UNC5C: variants seen among roughly 807,000 people sequenced by gnomAD.
The protein encoded by UNC5C is netrin receptor UNC5C.
A neutral mutation model predicts 99.8 loss-of-function variants in UNC5C; 47 were observed. The observed-to-expected ratio is 0.47, with a 90% CI of 0.37 to 0.60. The LOEUF (loss-of-function observed/expected upper bound fraction) is 0.60, where lower values mean the gene tolerates loss of function less well. Ranked by LOEUF, UNC5C falls within the 20% of genes least tolerant of loss-of-function variation. The pLI is 0.00. For synonymous variants in UNC5C, 487 were observed against 452.2 expected (o/e 1.08, Z -0.98); for missense variants, 1,062 against 1,165.9 (o/e 0.91, Z 1.30).
intron 1 of UNC5C, among the ~76,000 whole-genome samples, chr4:95,489,918 TTTAGGAGTCA>T (rs1721433876): frequency 6.6e-6 from 1 of 151,632 alleles, no homozygotes; most frequent in Non-Finnish European, 1.5e-5. Context: ...GAACTGTGAA[TTTAGGAGTCA>T]TTAGCATATA....
chr4:95,461,381 A>G (rs1360156707), intron 1 of UNC5C, among the ~76,000 whole-genome samples: 1 of 143,022 alleles, frequency 7.0e-6, no homozygotes, highest in African/African-American at 2.7e-5. Context: ...CTCTGTTACT[A>G]AAATACTGTA....
At position 95,359,350 on chromosome 4, in the gene UNC5C, T is replaced by C. The variant is rs555114991; in HGVS notation, c.125-23719A>G. 1.0e-3 allele frequency among the ~76,000 whole-genome samples: 158 copies of C among 152,300 alleles called. 1 individual carries two copies. The highest frequency in any genetic ancestry group is 3.4e-3 in the Middle Eastern group (1 of 294). On this transcript the variant is annotated intron_variant, in intron 1 of 15. Transcript: ENST00000453304. The stretch of plus-strand genomic sequence containing the variant: ...TTTACAAATTTAAGAATCAGGCATG[T>C]AACTTCTTTTGTTGGCCAAAGGTGT...
chr4:95,379,630 G>A (rs746267505), intron 1 of UNC5C, among the ~76,000 whole-genome samples: 1 of 152,088 alleles, frequency 6.6e-6, no homozygotes, highest in Non-Finnish European at 1.5e-5. Context: ...CTTGCCTTCC[G>A]GTCAGAGAAA....
intron 1 of UNC5C, among the ~76,000 whole-genome samples, chr4:95,469,528 T>C (rs938690849): frequency 1.3e-5 from 2 of 152,102 alleles, no homozygotes; most frequent in Non-Finnish European, 2.9e-5. Context: ...AAGTACAAGG[T>C]TTTCATGCCT....
intron 1 of UNC5C, among the ~76,000 whole-genome samples, chr4:95,361,496 G>A (rs1744392838): frequency 6.6e-6 from 1 of 152,170 alleles, no homozygotes; most frequent in African/African-American, 2.4e-5. Flanking sequence ...GCTGCTCTGT[G>A]CAGATGTGGA....
At chr4:95,473,915 A>G (rs1020208478) in intron 1 of UNC5C, among the ~76,000 whole-genome samples, 1 of 152,116 alleles carries the variant, frequency 6.6e-6, no homozygotes, top group African/African-American at 2.4e-5. Flanking sequence ...TCAAGGTCCA[A>G]ATCCCTGAGA....
At chr4:95,332,084 G>T (rs975606996) in intron 2 of UNC5C, among the ~76,000 whole-genome samples, 3 of 152,024 alleles carry the variant, frequency 2.0e-5, no homozygotes, top group African/African-American at 4.8e-5. Flanking sequence ...TACAAACAAA[G>T]GGAACAACAT....
In UNC5C at chr4:95,216,060, A is replaced by G. The variant is rs187810529; in HGVS notation, c.1733+64T>C. The stretch of plus-strand genomic sequence containing the variant: ...AAAATATGTTGGGTTTATTGTGTCT[A>G]TTGTACAATTCTCCTCCAAGTTAGA... On this transcript the variant is annotated intron_variant, in intron 10 of 15. Transcript: ENST00000453304. 552 of 1,385,690 alleles carry G rather than the reference A, an allele frequency of 4.0e-4. No individual in the cohort carries two copies. The African/African-American group carries it at 7.1e-3, about 18-fold the overall frequency. 85.8% of individuals were successfully genotyped at this position (1,385,690 alleles called of 1,614,324 possible). A position where few individuals can be genotyped will look rare whatever the true frequency, so the allele number is the denominator to read the frequency against.
chr4:95,280,122 G>A (rs1453724183), intron 3 of UNC5C, among the ~76,000 whole-genome samples: 1 of 152,060 alleles, frequency 6.6e-6, no homozygotes, highest in African/African-American at 2.4e-5. Flanking sequence ...TCTCAGCCCA[G>A]GGGTTGTGAC....
At chr4:95,316,105 GT>G (rs1382931611) in intron 2 of UNC5C, among the ~76,000 whole-genome samples, 2 of 152,144 alleles carry the variant, frequency 1.3e-5, no homozygotes, top group Non-Finnish European at 2.9e-5. Flanking sequence ...TGATCATTAA[GT>G]GTACATCAAG....
chr4:95,257,031 A>G (rs1421275470), intron 4 of UNC5C, among the ~76,000 whole-genome samples: 2 of 151,988 alleles, frequency 1.3e-5, no homozygotes, highest in East Asian at 1.9e-4. Flanking sequence ...CAGCCCACTG[A>G]CTCAAATGTT....
In UNC5C at chr4:95,166,186, G is replaced by T. The variant is rs533793391; in HGVS notation, c.*3048C>A. ...AAACCAGCCAAACTGCCTCTCCAGC[G>T]GTGTAGAAAGAAGCAGGATGTATCA... On this transcript the variant is annotated 3_prime_UTR_variant, in exon 16 of 16. Coordinates refer to ENST00000453304, the MANE Select transcript of UNC5C (RefSeq NM_003728.4). 4 of 152,264 alleles carry T rather than the reference G, an allele frequency of 2.6e-5. No homozygotes were observed. In the East Asian group the frequency reaches 7.7e-4, roughly 29 times the overall value. 9.4% of individuals were successfully genotyped at this position (152,264 alleles called of 1,614,324 possible).
At chr4:95,508,767 C>A (rs1292806511) in intron 1 of UNC5C, among the ~76,000 whole-genome samples, 1 of 151,836 alleles carries the variant, frequency 6.6e-6, no homozygotes, top group South Asian at 2.1e-4. Context: ...ATGTTATAAC[C>A]CATCTTGGAG....
intron 1 of UNC5C, among the ~76,000 whole-genome samples, chr4:95,424,876 G>A (rs1746433296): frequency 6.6e-6 from 1 of 151,878 alleles, no homozygotes; most frequent in Non-Finnish European, 1.5e-5. Context: ...GAAACAGGAG[G>A]TGCTCCTAAC....
intron 2 of UNC5C, among the ~76,000 whole-genome samples, chr4:95,320,229 C>T (rs556577134): frequency 6.3e-4 from 96 of 152,046 alleles, no homozygotes; most frequent in African/African-American, 2.3e-3. Flanking sequence ...CGAGACCAGC[C>T]TGGCCAACAT....
chr4:95,401,544 A>G (rs1447068526), intron 1 of UNC5C, among the ~76,000 whole-genome samples: 1 of 152,106 alleles, frequency 6.6e-6, no homozygotes, highest in Non-Finnish European at 1.5e-5. Flanking sequence ...TGGGCAAGTA[A>G]TCCTCCCACT....
chr4:95,255,981 T>G (rs917874239), intron 4 of UNC5C, among the ~76,000 whole-genome samples: 5 of 152,028 alleles, frequency 3.3e-5, no homozygotes, highest in African/African-American at 1.2e-4. Context: ...GCTGCTGAGG[T>G]CTTAGTGCTC....
rs1722642619 is a variant in UNC5C at position 95,531,538 on chromosome 4, GT to G, written c.124+17195del. ...ACAACATATTTTGGTTACCTTAAAAGTGCTTATGAGAATATTTTATTCAATA... is the reference window on the plus strand; with the variant it reads ...ACAACATATTTTGGTTACCTTAAAAGGCTTATGAGAATATTTTATTCAATA... On this transcript the variant is annotated intron_variant, in intron 1 of 15. Transcript: ENST00000453304. 3.3e-5 allele frequency among the ~76,000 whole-genome samples: 5 copies of G among 152,266 alleles called. 1 individual carries two copies. In the South Asian group the frequency reaches 1.0e-3, roughly 32 times the overall value.
chr4:95,345,091 A>T (rs1252054435), intron 1 of UNC5C, among the ~76,000 whole-genome samples: 4 of 152,018 alleles, frequency 2.6e-5, no homozygotes, highest in Non-Finnish European at 4.4e-5. Context: ...ATAAGACCCA[A>T]TGATCTGTTG....
Sources: gnomAD v4.1 joint callset for allele counts (sites outside exome capture counted in the v4.1 genomes callset) on GRCh38, gnomAD v4.1.1 for gene constraint, MANE v1.5 for transcripts, NCBI Gene and HGNC (gene_info 2026-07-23, HGNC 2026-07-21) for gene names.